The following PEBP4 variants were observed in gnomAD, a reference collection of about 807,000 sequenced individuals.
PEBP4 encodes phosphatidylethanolamine-binding protein 4.
In PEBP4, 22 loss-of-function variants were observed where a neutral mutation model predicts 23.9. The observed-to-expected ratio is 0.92, with a 90% CI of 0.66 to 1.31. The LOEUF (loss-of-function observed/expected upper bound fraction) is 1.31, where lower values mean the gene tolerates loss of function less well. PEBP4 is among the 40% of genes most tolerant of loss of function. The probability of loss-of-function intolerance (pLI) is 0.00; values close to 1 mark genes in which losing one functional copy is unlikely to be tolerated. For synonymous variants in PEBP4, 112 were observed against 99.3 expected, an observed-to-expected ratio of 1.13 and a Z score of -0.76; for missense variants, 324 against 281.7, an observed-to-expected ratio of 1.15 and a Z score of -1.07.
At chr8:22,846,470 A>T (rs889020158) in intron 3 of PEBP4, among the ~76,000 whole-genome samples, 1 of 152,120 alleles carries the variant, frequency 6.6e-6, no homozygotes, top group Admixed American at 6.5e-5. Flanking sequence ...GAGAAATCGC[A>T]TCAGGTTCCC....
chr8:22,783,863 T>G (rs1805974958), intron 4 of PEBP4, among the ~76,000 whole-genome samples: 3 of 152,224 alleles, frequency 2.0e-5, no homozygotes, highest in Admixed American at 2.0e-4. Flanking sequence ...TGAGCTCAAG[T>G]GATCTCCCCG....
intron 4 of PEBP4, among the ~76,000 whole-genome samples, chr8:22,766,401 C>G (rs570109984): frequency 2.0e-4 from 30 of 152,262 alleles, no homozygotes; most frequent in Non-Finnish European, 3.4e-4. Flanking sequence ...ACATAACCCT[C>G]TGTGCACTGG....
rs1289487779 is a variant in PEBP4, at chr8:22,865,233, G to C, written c.259-47498C>G. Among the ~76,000 whole-genome samples, 1 of 152,078 alleles carries C rather than the reference G, an allele frequency of 6.6e-6. No individual in the cohort carries two copies. The highest frequency in any genetic ancestry group is 2.4e-5 in the African/African-American group (1 of 41,416). On this transcript the variant is annotated intron_variant, in intron 3 of 6. Transcript: ENST00000256404. This position sits in a 1 kb window ranked among gnomAD's most constrained non-coding sequence, Gnocchi z 6.9. The stretch of plus-strand genomic sequence containing the variant: ...AAACAGCCTGGGGGGCGGCGGGAGG[G>C]GGAGGGAAGGTGTTTTTGCGAAAAT...
At chr8:22,940,491 T>C (rs1809596030) in intron 1 of PEBP4, among the ~76,000 whole-genome samples, 1 of 19,566 alleles carries the variant, frequency 5.1e-5, no homozygotes, top group Non-Finnish European at 9.0e-5. Flanking sequence ...TGAATTTCTC[T>C]TTTTTTTTTT....
chr8:22,753,050 G>C (rs1805302129), intron 4 of PEBP4, among the ~76,000 whole-genome samples: 2 of 152,296 alleles, frequency 1.3e-5, no homozygotes, highest in Non-Finnish European at 1.5e-5. Flanking sequence ...TCACTTGCCT[G>C]TTTGGCCCAG....
upstream of PEBP4, among the ~76,000 whole-genome samples, chr8:22,930,718 G>A (rs1018320200): frequency 1.3e-5 from 2 of 152,058 alleles, no homozygotes; most frequent in African/African-American, 4.8e-5. Flanking sequence ...GAATGCAGTG[G>A]TTCTCGGGAT....
chr8:22,908,167 T>C (rs1447211415), intron 3 of PEBP4, among the ~76,000 whole-genome samples: 3 of 152,076 alleles, frequency 2.0e-5, no homozygotes, highest in East Asian at 3.8e-4. Context: ...CATGTTTCAT[T>C]TGAGGGGCTT....
chr8:22,877,176 C>T (rs1466718126), intron 3 of PEBP4, among the ~76,000 whole-genome samples: 1 of 152,174 alleles, frequency 6.6e-6, no homozygotes, highest in African/African-American at 2.4e-5. Context: ...CCCTCAGCCT[C>T]AGGGATAAGG....
intron 2 of PEBP4, among the ~76,000 whole-genome samples, chr8:22,927,303 AAGACCCCCC>A (rs1809361521): frequency 6.6e-6 from 1 of 152,022 alleles, no homozygotes; most frequent in African/African-American, 2.4e-5. Context: ...TGCCCCCACA[AAGACCCCCC>A]AGGTTTGGAG....
chr8:22,779,737 G>A (rs78029245), intron 4 of PEBP4, among the ~76,000 whole-genome samples: 3,831 of 152,314 alleles, frequency 0.025, 64 homozygotes, highest in Non-Finnish European at 0.039. Flanking sequence ...GTCAGGTCTG[G>A]AAGAGGAGAC....
At position 22,748,859 on chromosome 8, in the gene PEBP4, G is replaced by A. The variant is rs192538867; in HGVS notation, c.358-21639C>T. On this transcript the variant is annotated intron_variant, in intron 4 of 6. Transcript: ENST00000256404. ...GCCTCCACGAGTCCTGGATGATTTA[G>A]GTGCGGACTTGCCTGGGGGAAGGGT... is the stretch of plus-strand genomic sequence containing the variant. Among the ~76,000 whole-genome samples, 727 of 152,264 alleles carry A rather than the reference G, an allele frequency of 4.8e-3. 21 individuals carry two copies. The highest frequency in any genetic ancestry group is 0.044 in the Admixed American group (667 of 15,300).
intron 3 of PEBP4, among the ~76,000 whole-genome samples, chr8:22,847,307 C>G (rs1030494609): frequency 6.6e-6 from 1 of 152,198 alleles, no homozygotes; most frequent in Non-Finnish European, 1.5e-5. Flanking sequence ...GGTGTCACTT[C>G]TGCTTTAGAG....
At chr8:22,825,495 A>G (rs1050378880) in intron 3 of PEBP4, among the ~76,000 whole-genome samples, 4 of 152,366 alleles carry the variant, frequency 2.6e-5, no homozygotes, top group East Asian at 1.9e-4. Flanking sequence ...GTAGGGGTAT[A>G]GACCTAGTAA....
intron 3 of PEBP4, among the ~76,000 whole-genome samples, chr8:22,883,363 AT>A (rs1808303847): frequency 6.6e-6 from 1 of 152,102 alleles, no homozygotes. Context: ...TGCATCACCC[AT>A]TAACACACCC....
At chr8:22,899,626 A>G (rs1167248204) in intron 3 of PEBP4, among the ~76,000 whole-genome samples, 2 of 152,180 alleles carry the variant, frequency 1.3e-5, no homozygotes, top group Admixed American at 6.5e-5. Flanking sequence ...GGTGCCTCTC[A>G]TCTCGGCAAA....
chr8:22,729,408 C>G (rs1433881710), intron 4 of PEBP4, among the ~76,000 whole-genome samples: 2 of 152,230 alleles, frequency 1.3e-5, no homozygotes, highest in Non-Finnish European at 2.9e-5. Context: ...TTTCAATTCC[C>G]CCCAGGCTTG....
At chr8:22,901,172 T>C (rs1296236914) in intron 3 of PEBP4, among the ~76,000 whole-genome samples, 1 of 152,120 alleles carries the variant, frequency 6.6e-6, no homozygotes, top group East Asian at 1.9e-4. Flanking sequence ...CAGGCCTGGC[T>C]CCAGAGAAAG....
At chr8:22,924,852 G>T (rs1354529239) in intron 2 of PEBP4, 3 of 985,264 alleles carry the variant, frequency 3.0e-6, no homozygotes, top group South Asian at 4.7e-5. Flanking sequence ...AGCAGGGAAG[G>T]TCTGATTCCC....
intron 6 of PEBP4, among the ~76,000 whole-genome samples, chr8:22,718,747 G>C (rs1301374471): frequency 6.6e-6 from 1 of 152,166 alleles, no homozygotes; most frequent in African/African-American, 2.4e-5. Context: ...AGGGTGGGCT[G>C]AGTGTGTTTG....
Sources: allele counts gnomAD v4.1 joint callset (sites outside exome capture counted in the v4.1 genomes callset), GRCh38; gene constraint gnomAD v4.1.1; non-coding constraint Gnocchi (gnomAD v3.1); transcripts MANE v1.5; gene names NCBI Gene and HGNC (gene_info 2026-07-23, HGNC 2026-07-21).